ANK2: variants seen among roughly 807,000 people sequenced by gnomAD.
ANK2 encodes the protein ankyrin-2.
In ANK2, 83 loss-of-function variants were observed where a neutral mutation model predicts 360.5. That is an observed-to-expected ratio of 0.23 (90% CI 0.19 to 0.28). The LOEUF (loss-of-function observed/expected upper bound fraction) is 0.28. ANK2 is among the 10% of genes least tolerant of loss of function. The pLI is 1.00. For missense variants in ANK2, 4,201 were observed against 4,795.7 expected, an observed-to-expected ratio of 0.88 and a Z score of 3.66; for synonymous variants, 1,740 against 1,759.5, an observed-to-expected ratio of 0.99 and a Z score of 0.28.
At chr4:112,810,149 ATATATATATATTTTT>A in the ANK2 span, among the ~76,000 whole-genome samples, 2 of 30,338 alleles carry the variant, frequency 6.6e-5, no homozygotes, top group Admixed American at 9.5e-4. Context: ...ATATATATAT[ATATATATATATTTTT>A]TTTTTTTTTT....
chr4:112,814,704 T>C (rs933295902), upstream of ANK2, among the ~76,000 whole-genome samples: 1 of 152,112 alleles, frequency 6.6e-6, no homozygotes, highest in East Asian at 1.9e-4. Context: ...GCTTGCTCTA[T>C]AGAGGACAAC....
chr4:113,145,849 G>A, intron 1 of ANK2: 1 of 1,289,468 alleles, frequency 7.8e-7, no homozygotes, highest in Non-Finnish European at 1.0e-6. Context: ...CCCACTGACA[G>A]CAGGAACTGT....
intron 4 of ANK2, among the ~76,000 whole-genome samples, chr4:113,210,762 G>A (rs949754378): frequency 6.6e-6 from 1 of 152,146 alleles, no homozygotes; most frequent in Non-Finnish European, 1.5e-5. Context: ...GTTAGTTGCT[G>A]TTGTTATATT....
chr4:112,852,217 T>A (rs1415667347), intron 1 of ANK2, among the ~76,000 whole-genome samples: 1 of 152,246 alleles, frequency 6.6e-6, no homozygotes, highest in East Asian at 1.9e-4. Context: ...CACACCATGC[T>A]CATTCCTATA....
Position 113,358,167 on chromosome 4 carries a change from A to G in ANK2, c.9549A>G (p.Pro3183=). ...TGGATGATGAGGCAGACTTACTTCC[A>G]GATGACGTGAGTGAGGAAGTAGAGG... ...ETVDDEADLL[P]DDVSEEVEEI... Residue 3183 remains proline, a synonymous_variant, in exon 38 of 46, where the codon CCA becomes CCG. Transcript: ENST00000357077. 6.2e-7 allele frequency: 1 copy of G among 1,614,080 alleles called. No individual in the cohort carries two copies. Among genetic ancestry groups the G allele is most frequent in the Non-Finnish European group, 8.5e-7 (1 of 1,179,954 alleles).
the ANK2 span, among the ~76,000 whole-genome samples, chr4:112,801,654 G>GA: frequency 1.9e-4 from 29 of 152,130 alleles, no homozygotes; most frequent in Non-Finnish European, 3.8e-4. Context: ...GTCTTTCTTG[G>GA]AAAAAACAGT....
chr4:112,850,502 G>GTTTTTTT (rs1211226104), intron 1 of ANK2, among the ~76,000 whole-genome samples: 1 of 16,430 alleles, frequency 6.1e-5, no homozygotes, highest in Non-Finnish European at 1.1e-4. Flanking sequence ...TCCTGTGCTA[G>GTTTTTTT]TCTTTTTTTT....
the ANK2 span, among the ~76,000 whole-genome samples, chr4:112,712,406 A>ATATAT: frequency 1.0e-4 from 9 of 86,828 alleles, no homozygotes; most frequent in African/African-American, 3.5e-4. Context: ...ATATATATAT[A>ATATAT]TTTTTTTTTT....
intron 2 of ANK2, among the ~76,000 whole-genome samples, chr4:112,918,873 C>T (rs531665800): frequency 9.1e-4 from 139 of 152,200 alleles, no homozygotes; most frequent in Non-Finnish European, 1.6e-3. Flanking sequence ...ACTTCTTGAA[C>T]GTGGAATTCA....
intron 1 of ANK2, among the ~76,000 whole-genome samples, chr4:113,158,051 G>T (rs936302993): frequency 6.6e-6 from 1 of 152,184 alleles, no homozygotes; most frequent in East Asian, 1.9e-4. Context: ...TAGCCAGAGG[G>T]TATACACAAA....
chr4:112,991,683 G>A (rs2046895144), intron 2 of ANK2, among the ~76,000 whole-genome samples: 5 of 126,136 alleles, frequency 4.0e-5, no homozygotes, highest in African/African-American at 9.2e-5. Context: ...TTTCTGGTTC[G>A]TTTTGCTTAA....
chr4:113,106,221 T>G (rs1029747067), intron 1 of ANK2, among the ~76,000 whole-genome samples: 2 of 152,176 alleles, frequency 1.3e-5, no homozygotes, highest in African/African-American at 4.8e-5. Flanking sequence ...TTTTAAATCC[T>G]CAAATAGTAC....
At chr4:113,259,442 T>G (rs1449797965) in intron 13 of ANK2, among the ~76,000 whole-genome samples, 1 of 152,322 alleles carries the variant, frequency 6.6e-6, no homozygotes, top group African/African-American at 2.4e-5. Flanking sequence ...ATTTGTATTC[T>G]CTCTCATATT....
chr4:112,999,414 T>C (rs2049803874), intron 2 of ANK2, among the ~76,000 whole-genome samples: 1 of 152,134 alleles, frequency 6.6e-6, no homozygotes, highest in South Asian at 2.1e-4. Flanking sequence ...ATCAGAGAGA[T>C]TAAATCACTT....
chr4:112,741,132 A>C, the ANK2 span, among the ~76,000 whole-genome samples: 1 of 152,036 alleles, frequency 6.6e-6, no homozygotes, highest in Non-Finnish European at 1.5e-5. Context: ...GCCTGGCAAA[A>C]GTATTATTCT....
chr4:112,910,328 A>G (rs192608129), intron 2 of ANK2, among the ~76,000 whole-genome samples: 2 of 152,356 alleles, frequency 1.3e-5, no homozygotes, highest in Admixed American at 1.3e-4. Flanking sequence ...TCTTTAAATA[A>G]TGGTAAGAGT....
chr4:113,302,877 G>T (rs983211485), intron 23 of ANK2, 38 bp downstream of exon 23: 2 of 1,552,278 alleles, frequency 1.3e-6, no homozygotes, highest in Non-Finnish European at 1.8e-6. Context: ...CACCTGTCAT[G>T]TTCTTACACA....
intron 14 of ANK2, among the ~76,000 whole-genome samples, chr4:113,270,420 T>G (rs1004561884): frequency 6.6e-6 from 1 of 152,214 alleles, no homozygotes; most frequent in Non-Finnish European, 1.5e-5. Context: ...CTTTAAAATA[T>G]TAATTAATTA....
chr4:113,000,992 A>G (rs6818733), intron 2 of ANK2, among the ~76,000 whole-genome samples: 4,220 of 151,272 alleles, frequency 0.028, 184 homozygotes, highest in African/African-American at 0.096. Context: ...CATGTTGAAC[A>G]GTTTTTTTCT....
Sources: allele counts gnomAD v4.1 joint callset (sites outside exome capture counted in the v4.1 genomes callset), GRCh38; gene constraint gnomAD v4.1.1; transcripts MANE v1.5; gene names NCBI Gene and HGNC (gene_info 2026-07-23, HGNC 2026-07-21).